BTBD9: variants seen among roughly 807,000 people sequenced by gnomAD.
The protein encoded by BTBD9 is BTB domain containing 9, also known as BTB/POZ domain-containing protein 9.
In BTBD9, 49 loss-of-function variants were observed where a neutral mutation model predicts 64.3. The ratio of observed to expected loss-of-function variants is 0.76; its 90% CI spans 0.61 to 0.97. BTBD9 has a LOEUF of 0.97. BTBD9 is among the 50% of genes least tolerant of loss of function. The probability of loss-of-function intolerance (pLI) is 0.00; values close to 1 mark genes in which losing one functional copy is unlikely to be tolerated. For synonymous variants in BTBD9, 260 were observed against 274.7 expected, an observed-to-expected ratio of 0.95 and a Z score of 0.53; for missense variants, 598 against 762.1, an observed-to-expected ratio of 0.78 and a Z score of 2.53.
At chr6:38,275,736 C>T (rs1761210343) in intron 8 of BTBD9, among the ~76,000 whole-genome samples, 2 of 152,156 alleles carry the variant, frequency 1.3e-5, no homozygotes, top group Non-Finnish European at 2.9e-5. Flanking sequence ...CAGCCAAAAA[C>T]ACATGAAAAA....
At chr6:38,300,622 T>C (rs1377608364) in intron 7 of BTBD9, among the ~76,000 whole-genome samples, 2 of 152,184 alleles carry the variant, frequency 1.3e-5, no homozygotes, top group Non-Finnish European at 2.9e-5. Context: ...TTTGAAGCAA[T>C]TGTGAATGGG....
At chr6:38,585,483 A>C (rs999754523) in intron 4 of BTBD9, among the ~76,000 whole-genome samples, 7 of 152,086 alleles carry the variant, frequency 4.6e-5, no homozygotes, top group African/African-American at 1.7e-4. Context: ...TAATTTAAAA[A>C]AAATTTTTTA....
chr6:38,637,871 T>C (rs1778579852), intron 1 of BTBD9, among the ~76,000 whole-genome samples: 2 of 152,352 alleles, frequency 1.3e-5, no homozygotes, highest in South Asian at 4.1e-4. Flanking sequence ...CTCTGATTAA[T>C]ACAACCTCTA....
intron 6 of BTBD9, among the ~76,000 whole-genome samples, chr6:38,384,487 A>C (rs1250628831): frequency 6.6e-6 from 1 of 152,218 alleles, no homozygotes; most frequent in Non-Finnish European, 1.5e-5. Flanking sequence ...TGTATCCCAC[A>C]AACAAAAGCC....
chr6:38,314,417 T>C (rs1002958242), intron 7 of BTBD9, among the ~76,000 whole-genome samples: 1 of 151,990 alleles, frequency 6.6e-6, no homozygotes, highest in Non-Finnish European at 1.5e-5. Flanking sequence ...GGATGAATTT[T>C]ATTTTTTTTT....
chr6:38,622,373 T>A (rs1446032604), intron 1 of BTBD9, among the ~76,000 whole-genome samples: 1 of 152,214 alleles, frequency 6.6e-6, no homozygotes, highest in Non-Finnish European at 1.5e-5. Flanking sequence ...AGGAAGTGGT[T>A]AAAGTCCTAA....
At chr6:38,338,181 T>C (rs1401577778) in intron 7 of BTBD9, among the ~76,000 whole-genome samples, 1 of 152,192 alleles carries the variant, frequency 6.6e-6, no homozygotes, top group Non-Finnish European at 1.5e-5. Flanking sequence ...AAACTCAATA[T>C]ACACTATGTT....
rs182932858 is a variant in BTBD9 at position 38,351,658 on chromosome 6, C to T, written c.1155-6565G>A. On this transcript the variant is annotated intron_variant, in intron 6 of 10. Coordinates refer to ENST00000481247, the MANE Select transcript of BTBD9 (RefSeq NM_001099272.2). The stretch of plus-strand genomic sequence containing the variant: ...CTGGGACTACAGGCACCCGCTACCA[C>T]GCCGGCTACTTTTTTGATTTTTAGT... Among the ~76,000 whole-genome samples, 174 of 151,928 alleles carry T rather than the reference C, an allele frequency of 1.1e-3. 1 individual carries two copies. Among genetic ancestry groups the T allele is most frequent in the Admixed American group, 3.3e-3 (51 of 15,278 alleles).
In BTBD9 at chr6:38,303,874, T is replaced by TATATATATACAC. The variant is rs368257334; in HGVS notation, c.1265-15414_1265-15413insGTGTATATATAT. Among the ~76,000 whole-genome samples the TATATATATACAC allele has an allele frequency of 6.1e-3, 504 of 82,462 alleles. 1 individual carries two copies. The highest frequency in any genetic ancestry group is 0.012 in the African/African-American group (244 of 20,766). 54.1% of individuals were successfully genotyped at this position (82,462 alleles called of 152,430 possible). A position where few individuals can be genotyped will look rare whatever the true frequency, so the allele number is the denominator to read the frequency against. On this transcript the variant is annotated intron_variant, in intron 7 of 10. Coordinates refer to ENST00000481247, the MANE Select transcript of BTBD9 (RefSeq NM_001099272.2). ...ATATATATATATATATATATATATA[T>TATATATATACAC]ACACACACACACATGTGTATATATA... is the stretch of plus-strand genomic sequence containing the variant.
intron 6 of BTBD9, among the ~76,000 whole-genome samples, chr6:38,549,951 T>C (rs999401386): frequency 3.3e-5 from 5 of 152,246 alleles, no homozygotes; most frequent in African/African-American, 1.2e-4. Flanking sequence ...ACTTCCCTGC[T>C]TGGCTTTCAA....
chr6:38,343,943 T>C (rs1764191199), intron 7 of BTBD9, among the ~76,000 whole-genome samples: 1 of 152,200 alleles, frequency 6.6e-6, no homozygotes, highest in African/African-American at 2.4e-5. Context: ...TCTTTCCCAT[T>C]ATAGTTATTC....
chr6:38,592,894 G>A lies in BTBD9; in HGVS notation c.550-54C>T, dbSNP rs1475963671. 4 of 1,562,832 alleles carry A rather than the reference G, an allele frequency of 2.6e-6. No homozygotes were observed. The Admixed American group carries it at 6.9e-5, about 27-fold the overall frequency. ...GTTATATGAAGTTCAACCACTGCAT[G>A]ACCAATCAGTAAAAGCTTACAGGAC... On this transcript the variant is annotated intron_variant, in intron 3 of 10. Transcript: ENST00000481247.
At chr6:38,188,175 C>A (rs564015934) in intron 10 of BTBD9, among the ~76,000 whole-genome samples, 10 of 152,180 alleles carry the variant, frequency 6.6e-5, no homozygotes, top group Non-Finnish European at 1.5e-4. Context: ...CAGCAGCTGC[C>A]GGGGGTGTTT....
chr6:38,241,491 T>C (rs551876750), intron 9 of BTBD9, among the ~76,000 whole-genome samples: 1 of 152,318 alleles, frequency 6.6e-6, no homozygotes, highest in Admixed American at 6.5e-5. Flanking sequence ...TTTTGCTCCA[T>C]TTAGGTTTAT....
intron 9 of BTBD9, among the ~76,000 whole-genome samples, chr6:38,216,977 C>T (rs1763026479): frequency 6.6e-6 from 1 of 151,822 alleles, no homozygotes; most frequent in Non-Finnish European, 1.5e-5. Context: ...TAATATGTTC[C>T]CAGGTGATGC....
chr6:38,533,635 T>C (rs1773892324), intron 6 of BTBD9, among the ~76,000 whole-genome samples: 1 of 152,206 alleles, frequency 6.6e-6, no homozygotes, highest in Admixed American at 6.5e-5. Flanking sequence ...ATAGACCATA[T>C]GTTAGGTCAC....
chr6:38,175,844 A>G (rs1761214560), intron 10 of BTBD9, among the ~76,000 whole-genome samples: 1 of 152,230 alleles, frequency 6.6e-6, no homozygotes, highest in Admixed American at 6.5e-5. Flanking sequence ...AGACCCTGCT[A>G]AGCAGCCGTG....
intron 10 of BTBD9, chr6:38,179,775 A>G (rs1761464318): frequency 2.2e-6 from 1 of 456,656 alleles, no homozygotes; most frequent in Non-Finnish European, 4.4e-6. Context: ...GGGATCAGTA[A>G]TATTTCATAC....
At chr6:38,479,589 A>C (rs1041247735) in intron 6 of BTBD9, among the ~76,000 whole-genome samples, 1 of 152,052 alleles carries the variant, frequency 6.6e-6, no homozygotes, top group Non-Finnish European at 1.5e-5. Context: ...TCCCTTTCTG[A>C]CTGCATCCGT....
Sources: allele counts gnomAD v4.1 joint callset (sites outside exome capture counted in the v4.1 genomes callset), GRCh38; gene constraint gnomAD v4.1.1; transcripts MANE v1.5; gene names NCBI Gene and HGNC (gene_info 2026-07-23, HGNC 2026-07-21).